LHFPL4: variants seen among roughly 807,000 people sequenced by gnomAD.
LHFPL4 encodes the protein LHFPL tetraspan subfamily member 4 protein.
Under a neutral mutation model 20.0 loss-of-function variants are expected in LHFPL4, and 6 were observed. The observed-to-expected ratio is 0.30, with a 90% confidence interval of 0.16 to 0.59. LHFPL4 has a LOEUF of 0.59. Ranked by LOEUF, LHFPL4 falls within the 20% of genes least tolerant of loss-of-function variation. The pLI, the probability that LHFPL4 is intolerant of heterozygous loss-of-function variation, is 0.88. For synonymous variants in LHFPL4, 129 were observed against 143.8 expected (o/e 0.90, Z 0.74); for missense variants, 215 against 331.2 (o/e 0.65, Z 2.72).
intron 2 of LHFPL4, among the ~76,000 whole-genome samples, chr3:9,522,859 G>C (rs1239737354): frequency 6.6e-6 from 1 of 151,506 alleles, no homozygotes; most frequent in Non-Finnish European, 1.5e-5. Context: ...GGCTAACACA[G>C]TGAAACCCCG....
intron 2 of LHFPL4, among the ~76,000 whole-genome samples, chr3:9,536,479 T>A (rs2125664639): frequency 6.6e-6 from 1 of 152,110 alleles, no homozygotes; most frequent in South Asian, 2.1e-4. Context: ...GCTGACTAAC[T>A]CAACCTCCAA....
At chr3:9,504,055 C>T (rs952364029) in intron 3 of LHFPL4, among the ~76,000 whole-genome samples, 5 of 152,030 alleles carry the variant, frequency 3.3e-5, no homozygotes, top group African/African-American at 1.2e-4. Context: ...CAATAATCAA[C>T]ACTGGTGAGC....
At chr3:9,504,240 A>AG (rs1559513593) in intron 3 of LHFPL4, among the ~76,000 whole-genome samples, 8 of 151,190 alleles carry the variant, frequency 5.3e-5, no homozygotes, top group Non-Finnish European at 1.2e-4. Context: ...GTGTGGTGGC[A>AG]ACATGCCTGT....
intron 2 of LHFPL4, among the ~76,000 whole-genome samples, chr3:9,549,541 C>T (rs1040670541): frequency 5.9e-5 from 9 of 152,010 alleles, no homozygotes; most frequent in Admixed American, 2.0e-4. Flanking sequence ...ACTAAAAATA[C>T]AAAAAATTAG....
chr3:9,543,268 G>A (rs995713406), intron 2 of LHFPL4, among the ~76,000 whole-genome samples: 2 of 152,078 alleles, frequency 1.3e-5, no homozygotes, highest in African/African-American at 2.4e-5. Context: ...GTGGGAGGCC[G>A]AGGTGGGCGG....
intron 2 of LHFPL4, among the ~76,000 whole-genome samples, chr3:9,508,915 G>A (rs559474107): frequency 6.6e-6 from 1 of 152,302 alleles, no homozygotes; most frequent in East Asian, 1.9e-4. Flanking sequence ...ACGAGCCCAA[G>A]AAGGGGGCAA....
At chr3:9,543,108 G>A (rs2046488092) in intron 2 of LHFPL4, among the ~76,000 whole-genome samples, 2 of 152,088 alleles carry the variant, frequency 1.3e-5, no homozygotes, top group Non-Finnish European at 2.9e-5. Flanking sequence ...CAATACAACT[G>A]ATACCACAAA....
rs917072095 is a variant in LHFPL4, at chr3:9,501,842, G to A, written c.*369C>T. On this transcript the variant is annotated 3_prime_UTR_variant, in exon 4 of 4. Transcript: ENST00000287585. ...AGAAGAGGTGCGGATACAGCCAGGCGGCAGCCCTCCAGACTGAGGGGGCCT... is the reference window on the plus strand; with the variant it reads ...AGAAGAGGTGCGGATACAGCCAGGCAGCAGCCCTCCAGACTGAGGGGGCCT... The A allele has an allele frequency of 9.1e-6, 2 of 218,896 alleles. No individual in the cohort carries two copies. The highest frequency in any genetic ancestry group is 1.0e-4 in the East Asian group (1 of 9,570). 13.6% of individuals were successfully genotyped at this position (218,896 alleles called of 1,614,324 possible). A position where few individuals can be genotyped will look rare whatever the true frequency, so the allele number is the denominator to read the frequency against.
intron 2 of LHFPL4, among the ~76,000 whole-genome samples, chr3:9,517,491 TC>T (rs977496292): frequency 1.4e-4 from 21 of 152,022 alleles, no homozygotes; most frequent in African/African-American, 5.1e-4. Flanking sequence ...ATTGTGTTTT[TC>T]ATTTCACTTT....
intron 2 of LHFPL4, among the ~76,000 whole-genome samples, chr3:9,523,988 C>G (rs138404062): frequency 0.017 from 2,392 of 139,538 alleles, 58 homozygotes; most frequent in South Asian, 0.04. Context: ...GTATTTCCCC[C>G]CCCCCCAACA....
In LHFPL4 at chr3:9,506,844, G is replaced by A. The variant is rs1489068869; in HGVS notation, c.407-641C>T. Among the ~76,000 whole-genome samples the A allele has an allele frequency of 6.6e-6, 1 of 152,188 alleles. No homozygotes were observed. Among genetic ancestry groups the A allele is most frequent in the African/African-American group, 2.4e-5 (1 of 41,444 alleles). ...GATCTGCCCACCTCAGCCTCCCAAA[G>A]TGTTGGGATTATAGGAGTGAGCCAC... On this transcript the variant is annotated intron_variant, in intron 2 of 3. Transcript: ENST00000287585. The surrounding 1 kb of genome is among the most constrained non-coding windows in gnomAD (Gnocchi z 4.5).
At chr3:9,553,068 A>G (rs1349680653) in intron 1 of LHFPL4, among the ~76,000 whole-genome samples, 1 of 150,628 alleles carries the variant, frequency 6.6e-6, no homozygotes, top group Non-Finnish European at 1.5e-5. Flanking sequence ...AGGAGGGGAC[A>G]AGGGGAGGTG....
At chr3:9,548,925 C>A (rs1461124937) in intron 2 of LHFPL4, among the ~76,000 whole-genome samples, 1 of 152,144 alleles carries the variant, frequency 6.6e-6, no homozygotes, top group African/African-American at 2.4e-5. Flanking sequence ...CTACTAGTAG[C>A]CTTATTTGTC....
At chr3:9,515,097 T>G (rs1226647489) in intron 2 of LHFPL4, among the ~76,000 whole-genome samples, 1 of 152,224 alleles carries the variant, frequency 6.6e-6, no homozygotes, top group Admixed American at 6.5e-5. Flanking sequence ...TCCAAATGAC[T>G]ATAGCATTTT....
At chr3:9,531,927 T>C (rs1009418960) in intron 2 of LHFPL4, among the ~76,000 whole-genome samples, 1 of 152,206 alleles carries the variant, frequency 6.6e-6, no homozygotes, top group Non-Finnish European at 1.5e-5. Context: ...AGAGAACATA[T>C]ACTTTATACT....
chr3:9,506,270 G>A lies in LHFPL4; in HGVS notation c.407-67C>T, dbSNP rs2046217444. 3 of 1,291,086 alleles carry A rather than the reference G, an allele frequency of 2.3e-6. No individual in the cohort carries two copies. Among genetic ancestry groups the A allele is most frequent in the Admixed American group, 3.4e-5 (2 of 58,606 alleles). The allele number at this position is 1,291,086 out of a possible 1,614,324, so 80.0% of individuals were successfully genotyped here. ...GAAGAGAAAAGACCATTACTCGCTA[G>A]TGTCCGCAGTCTGGGCCCCACCCTA... On this transcript the variant is annotated intron_variant, in intron 2 of 3. Transcript: ENST00000287585. The surrounding 1 kb of genome is among the most constrained non-coding windows in gnomAD (Gnocchi z 4.5).
chr3:9,517,801 G>GTTTTTTTT (rs1162876826), intron 2 of LHFPL4, among the ~76,000 whole-genome samples: 1 of 75,606 alleles, frequency 1.3e-5, no homozygotes, highest in East Asian at 2.4e-4. Context: ...GGGTTTTTTT[G>GTTTTTTTT]TTTTTTGTTT....
intron 2 of LHFPL4, among the ~76,000 whole-genome samples, chr3:9,511,468 G>A (rs185144345): frequency 1.4e-4 from 22 of 152,224 alleles, no homozygotes; most frequent in African/African-American, 5.3e-4. Flanking sequence ...TGTAAGTGGG[G>A]GAATCTGTAT....
intron 2 of LHFPL4, among the ~76,000 whole-genome samples, chr3:9,532,218 G>A (rs1430630607): frequency 1.3e-5 from 2 of 152,018 alleles, no homozygotes; most frequent in African/African-American, 4.8e-5. Flanking sequence ...TAATAGAGAC[G>A]GGATTTCACC....
Sources: allele counts gnomAD v4.1 joint callset (sites outside exome capture counted in the v4.1 genomes callset), GRCh38; gene constraint gnomAD v4.1.1; non-coding constraint Gnocchi (gnomAD v3.1); transcripts MANE v1.5; gene names NCBI Gene and HGNC (gene_info 2026-07-23, HGNC 2026-07-21).